TMPRSS2: variants seen among roughly 807,000 people sequenced by gnomAD.
The protein encoded by TMPRSS2 is transmembrane protease serine 2.
TMPRSS2 carries 59 observed loss-of-function variants against 67.4 expected under a neutral mutation model. That is an observed-to-expected ratio of 0.88 (90% CI 0.71 to 1.09). The LOEUF is 1.09. Among genes scored for constraint, TMPRSS2 ranks in the 50% least tolerant of loss-of-function variants. The pLI is 0.00. For missense variants in TMPRSS2, 668 were observed against 642.7 expected (o/e 1.04, Z -0.43); for synonymous variants, 257 against 257.0 (o/e 1.00, Z 0.00).
Position 41,478,528 on chromosome 21 carries a change from G to C in TMPRSS2, c.683+644C>G, listed in dbSNP as rs149952403. ...AAATATGTGCAAAGCAAAAGGAAGAGCCTAAGTCCATCCCCTCTTCTGCCC... is the reference window on the plus strand; with the variant it reads ...AAATATGTGCAAAGCAAAAGGAAGACCCTAAGTCCATCCCCTCTTCTGCCC... On this transcript the variant is annotated intron_variant, in intron 7 of 13. Transcript: ENST00000332149. The surrounding 1 kb of genome is among the most constrained non-coding windows in gnomAD (Gnocchi z 4.0). Among the ~76,000 whole-genome samples the C allele has an allele frequency of 3.9e-5, 6 of 152,294 alleles. No homozygotes were observed. Among genetic ancestry groups the C allele is most frequent in the African/African-American group, 1.4e-4 (6 of 41,560 alleles).
intron 1 of TMPRSS2, among the ~76,000 whole-genome samples, chr21:41,499,982 T>G (rs746958270): frequency 1.4e-4 from 22 of 152,204 alleles, no homozygotes; most frequent in Admixed American, 1.3e-3. Context: ...GCTTCGGACC[T>G]GGCCAGACCA....
Position 41,501,807 on chromosome 21 carries a change from G to T in TMPRSS2, c.-56-3618C>A, listed in dbSNP as rs572507505. Reference sequence around the variant, plus strand: ...CCTCATTCACACAAGCTTGTACATCGCATTAACTCATTTCTGAAAGGAGCA... The same window carrying T: ...CCTCATTCACACAAGCTTGTACATCTCATTAACTCATTTCTGAAAGGAGCA... On this transcript the variant is annotated intron_variant, in intron 1 of 13. Transcript: ENST00000332149. Among the ~76,000 whole-genome samples the T allele has an allele frequency of 7.9e-5, 12 of 152,192 alleles. No homozygotes were observed. The East Asian group carries it at 2.3e-3, about 29-fold the overall frequency.
intron 6 of TMPRSS2, 52 bp downstream of exon 6, chr21:41,480,424 C>A (rs2146451397): frequency 6.3e-7 from 1 of 1,597,798 alleles, no homozygotes; most frequent in Non-Finnish European, 8.5e-7. Flanking sequence ...AGGGTCTTCT[C>A]GTGTTTCTGC....
chr21:41,473,340 G>C lies in TMPRSS2; in HGVS notation c.884C>G (p.Ala295Gly), dbSNP rs146654734. Residue 295 changes from alanine to glycine, a missense_variant, in exon 9 of 14, where the codon GCC (alanine) becomes GGC (glycine). Physicochemically the swap from Ala to Gly is moderately conservative, Grantham distance 60 (BLOSUM62 0). Coordinates refer to ENST00000332149, the MANE Select transcript of TMPRSS2 (RefSeq NM_005656.4). The part of the protein sequence containing the change: ...IITPEWIVTA[A>G]HCVEKPLNNP... ...CCTGGCATACTTTTCCACGCAGTGG[G>C]CGGCTGTCACGATCCACTCGGGGGT... 6.0e-5 allele frequency: 96 copies of C among 1,602,882 alleles called. No individual in the cohort carries two copies. The highest frequency in any genetic ancestry group is 7.5e-5 in the Non-Finnish European group (88 of 1,175,474).
chr21:41,468,000 A>G, intron 12 of TMPRSS2, 114 bp from the exon 13 acceptor site: 1 of 1,149,918 alleles, frequency 8.7e-7, no homozygotes. Context: ...GTTACGAGTG[A>G]CTGTGTGGGC....
chr21:41,502,851 G>T (rs1042910405), intron 1 of TMPRSS2, among the ~76,000 whole-genome samples: 6 of 152,146 alleles, frequency 3.9e-5, no homozygotes, highest in Non-Finnish European at 7.4e-5. Flanking sequence ...GTCCCAAAGA[G>T]ATTACAAACT....
Position 41,465,661 on chromosome 21 carries a change from C to A in TMPRSS2, c.*481G>T. ...CCAGGGCTGCTAAGGCTCTAAGAAC[C>A]CATCAGCAAAATCCCCTTGTGGAGA... On this transcript the variant is annotated 3_prime_UTR_variant, in exon 14 of 14. Coordinates refer to ENST00000332149, the MANE Select transcript of TMPRSS2 (RefSeq NM_005656.4). The A allele has an allele frequency of 4.1e-6, 1 of 243,980 alleles. No homozygotes were observed. The highest frequency in any genetic ancestry group is 8.0e-6 in the Non-Finnish European group (1 of 125,578). 15.1% of individuals were successfully genotyped at this position (243,980 alleles called of 1,614,324 possible). A position where few individuals can be genotyped will look rare whatever the true frequency, so the allele number is the denominator to read the frequency against.
intron 1 of TMPRSS2, among the ~76,000 whole-genome samples, chr21:41,501,471 T>G (rs565690211): frequency 6.6e-6 from 1 of 151,934 alleles, no homozygotes; most frequent in African/African-American, 2.4e-5. Flanking sequence ...TAGCTGGGTA[T>G]GATGGTGGGT....
rs1601586576 is a variant in TMPRSS2 at position 41,494,436 on chromosome 21, G to A, written c.158C>T (p.Ala53Val). Residue 53 changes from alanine (A) to valine (V), a missense_variant, in exon 3 of 14, where the codon GCC becomes GTC. By Grantham distance (64) the Ala-to-Val change is moderately conservative. Transcript: ENST00000332149. ...QYYPSPVPQY[A>V]PRVLTQASNP... Reference sequence around the variant, plus strand: ...GGAAGCCTGCGTCAGGACCCTCGGGGCGTACTGGGGCACGGGGGACGGGTA... The same window carrying A: ...GGAAGCCTGCGTCAGGACCCTCGGGACGTACTGGGGCACGGGGGACGGGTA... The A allele has an allele frequency of 6.2e-7, 1 of 1,613,188 alleles. No individual in the cohort carries two copies.
intron 8 of TMPRSS2, among the ~76,000 whole-genome samples, chr21:41,475,511 T>C (rs1266581323): frequency 3.5e-5 from 1 of 28,980 alleles, no homozygotes; most frequent in South Asian, 1.2e-3. Flanking sequence ...AGTGAGGAGG[T>C]GAGGTGGTGA....
Position 41,508,098 on chromosome 21 carries a change from G to C in TMPRSS2, c.-74C>G, listed in dbSNP as rs2091471933. The C allele has an allele frequency of 1.6e-6, 2 of 1,220,234 alleles. No homozygotes were observed. The highest frequency in any genetic ancestry group is 2.1e-6 in the Non-Finnish European group (2 of 955,172). 75.6% of individuals were successfully genotyped at this position (1,220,234 alleles called of 1,614,324 possible). A position where few individuals can be genotyped will look rare whatever the true frequency, so the allele number is the denominator to read the frequency against. ...CCGCTCACCTGCCGCGCTCCAGGCG[G>C]CGCTCCCCGCCCCTCGCCCTCCGCC... On this transcript the variant is annotated 5_prime_UTR_variant, in exon 1 of 14. Transcript: ENST00000332149.
At chr21:41,467,581 G>C (rs1186401308) in intron 13 of TMPRSS2, among the ~76,000 whole-genome samples, 153 bp downstream of exon 13, 8 of 152,164 alleles carry the variant, frequency 5.3e-5, no homozygotes, top group East Asian at 1.9e-4. Context: ...GTGGACACTG[G>C]GGGGATGGGG....
intron 3 of TMPRSS2, among the ~76,000 whole-genome samples, chr21:41,491,865 C>A (rs1472416927): frequency 6.6e-6 from 1 of 152,202 alleles, no homozygotes; most frequent in Non-Finnish European, 1.5e-5. Context: ...CTTGTCACGG[C>A]TGCTGTTGCA....
intron 5 of TMPRSS2, among the ~76,000 whole-genome samples, chr21:41,484,102 G>C (rs1601578072): frequency 1.3e-5 from 2 of 152,200 alleles, no homozygotes; most frequent in Admixed American, 1.3e-4. Flanking sequence ...CTGGGTGACA[G>C]AAGGAGACCT....
intron 9 of TMPRSS2, among the ~76,000 whole-genome samples, chr21:41,472,505 A>C (rs948819643): frequency 6.7e-6 from 1 of 150,118 alleles, no homozygotes; most frequent in Non-Finnish European, 1.5e-5. Flanking sequence ...ACAGCCCTTG[A>C]GAGAAACCCA....
At chr21:41,488,988 T>C (rs1408606052) in intron 4 of TMPRSS2, among the ~76,000 whole-genome samples, 1 of 152,060 alleles carries the variant, frequency 6.6e-6, no homozygotes, top group Non-Finnish European at 1.5e-5. Context: ...CACCAGCAAG[T>C]ATAAGTGGAA....
At chr21:41,471,623 C>T (rs1397564142) in intron 10 of TMPRSS2, among the ~76,000 whole-genome samples, 183 bp downstream of exon 10, 6 of 152,224 alleles carry the variant, frequency 3.9e-5, no homozygotes, top group African/African-American at 7.2e-5. Flanking sequence ...GTGGCTGCTG[C>T]CTCCCCCAAA....
intron 5 of TMPRSS2, chr21:41,488,162 GT>G (rs1342758465): frequency 2.4e-6 from 1 of 424,538 alleles, no homozygotes; most frequent in Non-Finnish European, 4.4e-6. Context: ...AGCACGTGTG[GT>G]TCCAATGACA....
chr21:41,467,175 G>A (rs2091092370), intron 13 of TMPRSS2, among the ~76,000 whole-genome samples: 1 of 152,130 alleles, frequency 6.6e-6, no homozygotes, highest in South Asian at 2.1e-4. Flanking sequence ...AATCACCTGA[G>A]GTCAGGGCTT....
Sources: allele counts gnomAD v4.1 joint callset (sites outside exome capture counted in the v4.1 genomes callset), GRCh38; gene constraint gnomAD v4.1.1; non-coding constraint Gnocchi (gnomAD v3.1); transcripts MANE v1.5; gene names NCBI Gene and HGNC (gene_info 2026-07-23, HGNC 2026-07-21).